The following SGCZ variants were observed in gnomAD, a reference collection of about 807,000 sequenced individuals.
SGCZ encodes the protein sarcoglycan zeta, also known as zeta-sarcoglycan.
In SGCZ, 40 loss-of-function variants were observed where a neutral mutation model predicts 41.3. That is an observed-to-expected ratio of 0.97 (90% confidence interval 0.75 to 1.26). The LOEUF is 1.26. SGCZ is among the 50% of genes most tolerant of loss of function. The probability of loss-of-function intolerance (pLI) is 0.00; values close to 1 mark genes in which losing one functional copy is unlikely to be tolerated. For synonymous variants in SGCZ, 206 were observed against 137.5 expected, an observed-to-expected ratio of 1.50 and a Z score of -3.49; for missense variants, 552 against 369.8, an observed-to-expected ratio of 1.49 and a Z score of -4.04.
intron 3 of SGCZ, among the ~76,000 whole-genome samples, chr8:14,322,428 C>T (rs150905712): frequency 8.5e-5 from 13 of 152,074 alleles, no homozygotes; most frequent in Non-Finnish European, 1.6e-4. Context: ...CCACCTCACA[C>T]GTTAATGCTA....
At chr8:14,986,794 C>A (rs1286108769) in intron 1 of SGCZ, among the ~76,000 whole-genome samples, 1 of 151,864 alleles carries the variant, frequency 6.6e-6, no homozygotes, top group Non-Finnish European at 1.5e-5. Context: ...TGTGACCTGT[C>A]AATTTAATAA....
Position 14,399,100 on chromosome 8 carries a change from A to C in SGCZ, c.235-74896T>G, listed in dbSNP as rs547596877. Among the ~76,000 whole-genome samples the C allele has an allele frequency of 2.7e-3, 409 of 152,160 alleles. 2 individuals are homozygous for C. Among genetic ancestry groups the C allele is most frequent in the African/African-American group, 9.1e-3 (380 of 41,534 alleles). On this transcript the variant is annotated intron_variant, in intron 2 of 7. Transcript: ENST00000382080. ...CAAACGTGATCATTATTATTTTGAG[A>C]GCTGAAAAGAAAGTGGCACTCCCAT...
At chr8:15,152,312 G>C (rs1012469532) in intron 1 of SGCZ, among the ~76,000 whole-genome samples, 3 of 152,170 alleles carry the variant, frequency 2.0e-5, no homozygotes, top group African/African-American at 7.2e-5. Flanking sequence ...GTAAAAACAA[G>C]GATAAGTGGA....
chr8:14,248,348 G>A (rs1012107909), intron 3 of SGCZ, among the ~76,000 whole-genome samples: 3 of 152,168 alleles, frequency 2.0e-5, no homozygotes, highest in Non-Finnish European at 2.9e-5. Context: ...CTATCATGAT[G>A]ATGGTGATGA....
At chr8:14,200,127 C>A (rs1805407798) in intron 4 of SGCZ, among the ~76,000 whole-genome samples, 1 of 152,088 alleles carries the variant, frequency 6.6e-6, no homozygotes, top group African/African-American at 2.4e-5. Flanking sequence ...TGGGCACTAC[C>A]ATAATTACTT....
intron 2 of SGCZ, among the ~76,000 whole-genome samples, chr8:14,328,083 A>G (rs1290131945): frequency 6.6e-6 from 1 of 152,184 alleles, no homozygotes; most frequent in South Asian, 2.1e-4. Flanking sequence ...TGAAAAAACG[A>G]ATTTTCAAGG....
intron 4 of SGCZ, among the ~76,000 whole-genome samples, chr8:14,175,110 C>T (rs897002483): frequency 2.6e-5 from 4 of 152,046 alleles, no homozygotes; most frequent in Non-Finnish European, 5.9e-5. Flanking sequence ...AGGGGCATAT[C>T]ATTCAACCTA....
At chr8:14,965,305 A>T (rs1801097470) in intron 1 of SGCZ, among the ~76,000 whole-genome samples, 1 of 152,112 alleles carries the variant, frequency 6.6e-6, no homozygotes, top group Non-Finnish European at 1.5e-5. Context: ...CCTCCAGCCA[A>T]TCACTTTTCC....
At chr8:14,400,333 T>A (rs2117243617) in intron 2 of SGCZ, among the ~76,000 whole-genome samples, 1 of 152,280 alleles carries the variant, frequency 6.6e-6, no homozygotes. Flanking sequence ...ATGAACAAGA[T>A]TTTGTGTGGA....
At chr8:15,104,011 C>A (rs1390840068) in intron 1 of SGCZ, among the ~76,000 whole-genome samples, 2 of 152,140 alleles carry the variant, frequency 1.3e-5, no homozygotes, top group African/African-American at 4.8e-5. Context: ...CAGACAATGA[C>A]TTGGCATTTT....
At chr8:14,915,916 T>C (rs1799422537) in intron 1 of SGCZ, among the ~76,000 whole-genome samples, 1 of 152,220 alleles carries the variant, frequency 6.6e-6, no homozygotes, top group Admixed American at 6.5e-5. Flanking sequence ...CCAGGCAAAG[T>C]AGCCGTTTCA....
intron 1 of SGCZ, among the ~76,000 whole-genome samples, chr8:14,976,585 GACA>G (rs1016568251): frequency 2.0e-4 from 30 of 152,148 alleles, no homozygotes; most frequent in East Asian, 7.7e-4. Flanking sequence ...TGAAGTTTCT[GACA>G]ACAACACATA....
At chr8:14,739,615 C>A (rs573271308) in intron 1 of SGCZ, among the ~76,000 whole-genome samples, 1 of 151,966 alleles carries the variant, frequency 6.6e-6, no homozygotes, top group African/African-American at 2.4e-5. Context: ...GTAAATTCTT[C>A]TTTGTTTTGT....
chr8:14,709,169 A>G (rs1467994039), intron 1 of SGCZ, among the ~76,000 whole-genome samples: 1 of 152,200 alleles, frequency 6.6e-6, no homozygotes, highest in African/African-American at 2.4e-5. Context: ...GCATCTTACT[A>G]AAAAGCATTG....
At chr8:14,794,173 C>A (rs369475018) in intron 1 of SGCZ, among the ~76,000 whole-genome samples, 4 of 151,986 alleles carry the variant, frequency 2.6e-5, no homozygotes, top group Admixed American at 2.0e-4. Context: ...TACTCAGTCA[C>A]GATTAGACAC....
intron 2 of SGCZ, among the ~76,000 whole-genome samples, chr8:14,423,624 G>A (rs1352634418): frequency 6.6e-6 from 1 of 152,124 alleles, no homozygotes; most frequent in Non-Finnish European, 1.5e-5. Context: ...CCGTTGATCA[G>A]GTTGGTCGCG....
intron 5 of SGCZ, among the ~76,000 whole-genome samples, chr8:14,109,894 A>T (rs1316575052): frequency 6.6e-6 from 1 of 152,178 alleles, no homozygotes; most frequent in African/African-American, 2.4e-5. Context: ...ATTTCTGTTT[A>T]TAAGCTAAAA....
chr8:14,548,816 G>A (rs971603749), intron 2 of SGCZ, among the ~76,000 whole-genome samples: 4 of 152,032 alleles, frequency 2.6e-5, no homozygotes, highest in African/African-American at 9.7e-5. Context: ...ACCAAATTGG[G>A]TCAACAATTT....
intron 1 of SGCZ, among the ~76,000 whole-genome samples, chr8:14,929,054 T>A (rs1035452486): frequency 5.3e-5 from 8 of 152,094 alleles, no homozygotes; most frequent in Admixed American, 2.0e-4. Context: ...TGCAGTGGCA[T>A]GATCTCGGCT....
Sources: gnomAD v4.1 joint callset for allele counts (sites outside exome capture counted in the v4.1 genomes callset) on GRCh38, gnomAD v4.1.1 for gene constraint, MANE v1.5 for transcripts, NCBI Gene and HGNC (gene_info 2026-07-23, HGNC 2026-07-21) for gene names.